The following SEMA4B variants were observed in gnomAD, a reference collection of about 807,000 sequenced individuals.
The protein encoded by SEMA4B is semaphorin-4B.
Under a neutral mutation model 88.1 loss-of-function variants are expected in SEMA4B, and 55 were observed. The ratio of observed to expected loss-of-function variants is 0.62; its 90% CI spans 0.50 to 0.78. The LOEUF is 0.78. Ranked by LOEUF, SEMA4B falls within the 30% of genes least tolerant of loss-of-function variation. The pLI, the probability that SEMA4B is intolerant of heterozygous loss-of-function variation, is 0.00. For missense variants in SEMA4B, 1,062 were observed against 1,111.9 expected (o/e 0.96, Z 0.64); for synonymous variants, 525 against 473.6 (o/e 1.11, Z -1.41).
At chr15:90,190,405 C>T (rs976833160) in intron 1 of SEMA4B, 7 of 152,364 alleles carry the variant, frequency 4.6e-5, no homozygotes, top group African/African-American at 1.7e-4. Context: ...TGTTCCTGCC[C>T]ACTCTCTGGG....
At position 90,225,690 on chromosome 15, in the gene SEMA4B, C is replaced by T. The variant is rs752992597; in HGVS notation, c.1551C>T (p.Gly517=). The part of the protein sequence containing the change: ...RGLLYAASHS[G]VVQVPMANCS... ...TGCTGTATGCGGCCTCACACTCGGG[C>T]GTAGTCCAGGTGCCCATGGCCAACT... is the stretch of plus-strand genomic sequence containing the variant. The change falls in exon 12 of 14, where the codon GGC becomes GGT. Residue 517 remains glycine (G), a synonymous_variant. Transcript: ENST00000411539. 58 of 1,567,588 alleles carry T rather than the reference C, an allele frequency of 3.7e-5. No individual in the cohort carries two copies. The highest frequency in any genetic ancestry group is 1.4e-4 in the South Asian group (12 of 85,244).
chr15:90,226,393 T>G (rs901723154), intron 12 of SEMA4B, among the ~76,000 whole-genome samples: 1 of 152,178 alleles, frequency 6.6e-6, no homozygotes, highest in African/African-American at 2.4e-5. Flanking sequence ...CAGGCTGGAG[T>G]GCAGTGGCAC....
At chr15:90,188,496 C>CAG (rs1960241091) in intron 1 of SEMA4B, among the ~76,000 whole-genome samples, 1 of 150,816 alleles carries the variant, frequency 6.6e-6, no homozygotes, top group South Asian at 2.1e-4. Context: ...GGCATGGTGG[C>CAG]GCATGCCTGT....
chr15:90,210,652 G>C (rs187217249), intron 1 of SEMA4B, among the ~76,000 whole-genome samples: 103 of 152,360 alleles, frequency 6.8e-4, no homozygotes, highest in Admixed American at 5.7e-3. Flanking sequence ...ACATACTTTA[G>C]CTCTTTGAGG....
At chr15:90,225,228 G>A (rs1962091567) in intron 10 of SEMA4B, 50 bp downstream of exon 10, 1 of 1,555,612 alleles carries the variant, frequency 6.4e-7, no homozygotes. Context: ...CACGTGGCTG[G>A]TGGGTCATGG....
chr15:90,209,192 C>T (rs1470748661), intron 1 of SEMA4B, among the ~76,000 whole-genome samples: 1 of 152,054 alleles, frequency 6.6e-6, no homozygotes, highest in African/African-American at 2.4e-5. Flanking sequence ...CTCACCTGAC[C>T]AGTTGATACA....
chr15:90,217,631 G>A (rs780355350), intron 2 of SEMA4B, 29 bp downstream of exon 2: 1 of 1,611,950 alleles, frequency 6.2e-7, no homozygotes, highest in Non-Finnish European at 8.5e-7. Context: ...AGCTGGCTAG[G>A]CTGGGCAGAG....
intron 1 of SEMA4B, chr15:90,206,691 C>A: frequency 2.8e-6 from 2 of 716,622 alleles, no homozygotes; most frequent in South Asian, 1.5e-5. Context: ...GCTACCAAAG[C>A]CTTAGACAAG....
At chr15:90,227,299 G>A (rs1962219351) in intron 12 of SEMA4B, 1 of 449,524 alleles carries the variant, frequency 2.2e-6, no homozygotes, top group Admixed American at 4.0e-5. Context: ...TACCGGCCTT[G>A]GCCTCCCAAA....
At chr15:90,217,680 G>T in intron 2 of SEMA4B, 78 bp downstream of exon 2, 1 of 1,603,538 alleles carries the variant, frequency 6.2e-7, no homozygotes, top group Non-Finnish European at 8.5e-7. Flanking sequence ...TTGACCTTCT[G>T]GGTCCAAGGA....
At chr15:90,198,980 TCTC>T (rs1168655925), upstream of SEMA4B, among the ~76,000 whole-genome samples, 3 of 152,108 alleles carry the variant, frequency 2.0e-5, no homozygotes, top group Non-Finnish European at 2.9e-5. Context: ...TTCAAGCAAT[TCTC>T]CTGCCTCAGC....
At chr15:90,188,029 G>C (rs1428706845) in intron 1 of SEMA4B, among the ~76,000 whole-genome samples, 1 of 148,992 alleles carries the variant, frequency 6.7e-6, no homozygotes, top group Non-Finnish European at 1.5e-5. Context: ...AGAAAGAAAA[G>C]AAACGTGGGT....
Position 90,228,352 on chromosome 15 carries a change from G to C in SEMA4B, c.2223G>C (p.Arg741=). The C allele has an allele frequency of 1.2e-6, 2 of 1,601,520 alleles. No individual in the cohort carries two copies. The highest frequency in any genetic ancestry group is 1.7e-6 in the Non-Finnish European group (2 of 1,173,364). The change falls in exon 14 of 14, where the codon CGG becomes CGC. Residue 741 remains arginine, a synonymous_variant. Coordinates refer to ENST00000411539, the MANE Select transcript of SEMA4B (RefSeq NM_198925.4). Reference sequence around the variant, plus strand: ...TTTTATTCTTGCTCTACCGGCACCGGAACAGCATGAAAGTCTTCCTGAAGC... The same window carrying C: ...TTTTATTCTTGCTCTACCGGCACCGCAACAGCATGAAAGTCTTCCTGAAGC... ...LPVLFLLYRH[R]NSMKVFLKQG...
At chr15:90,225,209 G>A in intron 10 of SEMA4B, 31 bp downstream of exon 10, 1 of 1,566,058 alleles carries the variant, frequency 6.4e-7, no homozygotes, top group Non-Finnish European at 8.7e-7. Context: ...AGGCTCAGGG[G>A]AAGGGGTGCA....
Position 90,219,539 on chromosome 15 carries a change from C to T in SEMA4B, c.385-254C>T, listed in dbSNP as rs11856259. ...ACTCAAAGGGGTAGGATTCTGTGCC[C>T]TCACCCCTAGGCCGAAGGAAAGTTT... On this transcript the variant is annotated intron_variant, in intron 3 of 13. Coordinates refer to ENST00000411539, the MANE Select transcript of SEMA4B (RefSeq NM_198925.4). The T allele has an allele frequency of 3.4e-3, 1,637 of 486,060 alleles. 22 individuals carry two copies. Among genetic ancestry groups the T allele is most frequent in the African/African-American group, 0.029 (1,467 of 50,924 alleles). 30.1% of individuals were successfully genotyped at this position (486,060 alleles called of 1,614,324 possible).
chr15:90,193,743 GGTACTGTTCTAGGTGA>G (rs1960414712), intron 1 of SEMA4B, among the ~76,000 whole-genome samples: 1 of 152,108 alleles, frequency 6.6e-6, no homozygotes, highest in Non-Finnish European at 1.5e-5. Flanking sequence ...GCCAACATCA[GGTACTGTTCTAGGTGA>G]GTGCAGTAGG....
chr15:90,197,348 C>T (rs1295321711), upstream of SEMA4B, among the ~76,000 whole-genome samples: 1 of 151,976 alleles, frequency 6.6e-6, no homozygotes, highest in Non-Finnish European at 1.5e-5. Context: ...TGAGATCTTG[C>T]CACTGTACTC....
chr15:90,188,370 G>A (rs1295971880), intron 1 of SEMA4B, among the ~76,000 whole-genome samples: 1 of 152,020 alleles, frequency 6.6e-6, no homozygotes, highest in Non-Finnish European at 1.5e-5. Flanking sequence ...GCTTATGCCT[G>A]TAATCCTAGC....
intron 7 of SEMA4B, among the ~76,000 whole-genome samples, 183 bp downstream of exon 7, chr15:90,221,948 TTTTA>T (rs1247924106): frequency 6.6e-6 from 1 of 151,940 alleles, no homozygotes; most frequent in East Asian, 2.0e-4. Flanking sequence ...TTTTTTTTCT[TTTTA>T]TTTTTAGACA....
Sources: gnomAD v4.1 joint callset for allele counts (sites outside exome capture counted in the v4.1 genomes callset) on GRCh38, gnomAD v4.1.1 for gene constraint, MANE v1.5 for transcripts, NCBI Gene and HGNC (gene_info 2026-07-23, HGNC 2026-07-21) for gene names.